Variants in BLTP1 observed in about 807,000 individuals in gnomAD.
BLTP1 encodes the protein fragile site-associated protein.
At chr4:122,292,946 CAAAGGCTAATCCAA>C in the BLTP1 span, 6 of 429,812 alleles carry the variant, frequency 1.4e-5, no homozygotes, top group Admixed American at 6.4e-5. Flanking sequence ...ACTGATACCC[CAAAGGCTAATCCAA>C]AAAAAAAAAT....
At chr4:122,221,305 A>T in the BLTP1 span, among the ~76,000 whole-genome samples, 1 of 152,156 alleles carries the variant, frequency 6.6e-6, no homozygotes, top group Admixed American at 6.5e-5. Context: ...TTTTTCATAC[A>T]TATATTTGAC....
the BLTP1 span, chr4:122,223,934 T>C: frequency 1.2e-6 from 1 of 862,128 alleles, no homozygotes. Flanking sequence ...ATATCCTTTA[T>C]TTCTCTGAAT....
chr4:122,272,274 A>G, the BLTP1 span: 2 of 1,613,412 alleles, frequency 1.2e-6, no homozygotes, highest in Non-Finnish European at 1.7e-6. Context: ...GAACCTCAGC[A>G]TGTTACTCTA....
At chr4:122,187,768 C>G in the BLTP1 span, 3 of 1,111,714 alleles carry the variant, frequency 2.7e-6, no homozygotes, top group South Asian at 5.3e-5. Context: ...TTAAATAGCA[C>G]ATAGTCCTAA....
chr4:122,360,744 C>T, the BLTP1 span, among the ~76,000 whole-genome samples: 1 of 152,148 alleles, frequency 6.6e-6, no homozygotes, highest in Admixed American at 6.5e-5. Flanking sequence ...GAAATATTAA[C>T]TGTTAAAATA....
the BLTP1 span, chr4:122,214,160 AT>A: frequency 8.3e-4 from 696 of 839,770 alleles, no homozygotes; most frequent in Non-Finnish European, 9.1e-4. Flanking sequence ...GCCTATTGTT[AT>A]TTTTTTTTTC....
chr4:122,354,505 C>T, the BLTP1 span, among the ~76,000 whole-genome samples: 1 of 148,730 alleles, frequency 6.7e-6, no homozygotes, highest in African/African-American at 2.5e-5. Flanking sequence ...TTAGATACAA[C>T]AGTCTTGTGA....
chr4:122,213,468 TGTTCATGTA>T, the BLTP1 span, among the ~76,000 whole-genome samples: 3 of 152,070 alleles, frequency 2.0e-5, no homozygotes, highest in Non-Finnish European at 4.4e-5. Context: ...GAAATTTTCT[TGTTCATGTA>T]TTTTCATGTA....
chr4:122,154,045 G>T, the BLTP1 span: 2 of 984,434 alleles, frequency 2.0e-6, no homozygotes, highest in Non-Finnish European at 2.4e-6. Context: ...ATGAAACACT[G>T]CAGAAAGGCT....
chr4:122,197,348 CT>C, the BLTP1 span: 1 of 1,110,720 alleles, frequency 9.0e-7, no homozygotes, highest in Non-Finnish European at 1.2e-6. Context: ...TGTTAATCAT[CT>C]TAGACTAACA....
At chr4:122,339,963 C>G in the BLTP1 span, among the ~76,000 whole-genome samples, 1 of 152,066 alleles carries the variant, frequency 6.6e-6, no homozygotes, top group African/African-American at 2.4e-5. Flanking sequence ...GCATTCCTCA[C>G]TATGTTAAAG....
At chr4:122,289,070 A>G in the BLTP1 span, 1 of 1,604,652 alleles carries the variant, frequency 6.2e-7, no homozygotes, top group Non-Finnish European at 8.5e-7. Flanking sequence ...TTAATCTAAT[A>G]TGATTTTGTC....
chr4:122,307,335 A>T, the BLTP1 span: 2 of 311,108 alleles, frequency 6.4e-6, no homozygotes, highest in Non-Finnish European at 9.4e-6. Context: ...GCATCATATC[A>T]ACATTCAGAA....
the BLTP1 span, chr4:122,256,040 ACAATC>A: frequency 1.0e-6 from 1 of 982,082 alleles, no homozygotes; most frequent in Non-Finnish European, 1.2e-6. Flanking sequence ...CAAAATAAAT[ACAATC>A]CATCTCTGCC....
At chr4:122,205,053 GAC>G in the BLTP1 span, 1 of 151,918 alleles carries the variant, frequency 6.6e-6, no homozygotes, top group Non-Finnish European at 1.5e-5. Context: ...ATTTTAGTAA[GAC>G]AAGAGTTTCT....
At chr4:122,177,661 A>T in the BLTP1 span, among the ~76,000 whole-genome samples, 2 of 152,154 alleles carry the variant, frequency 1.3e-5, no homozygotes, top group Non-Finnish European at 2.9e-5. Context: ...CTGGCCTGTT[A>T]GTGTTGGTGA....
At chr4:122,284,899 A>G in the BLTP1 span, among the ~76,000 whole-genome samples, 1 of 152,212 alleles carries the variant, frequency 6.6e-6, no homozygotes, top group Non-Finnish European at 1.5e-5. Flanking sequence ...CATCTTCCCC[A>G]AATAAAGGGA....
At chr4:122,301,244 A>G in the BLTP1 span, 1 of 1,473,544 alleles carries the variant, frequency 6.8e-7, no homozygotes, top group East Asian at 2.6e-5. Flanking sequence ...AATGCACAAA[A>G]TAGTTATTTT....
chr4:122,309,486 A>G, the BLTP1 span: 3 of 1,605,050 alleles, frequency 1.9e-6, no homozygotes, highest in South Asian at 1.1e-5. Flanking sequence ...TTATTTCTAT[A>G]TACAGTTTAG....
Sources: gnomAD v4.1 joint callset for allele counts (sites outside exome capture counted in the v4.1 genomes callset) on GRCh38, gnomAD v4.1.1 for gene constraint, MANE v1.5 for transcripts, NCBI Gene and HGNC (gene_info 2026-07-23, HGNC 2026-07-21) for gene names.